The following FOXP2 variants were observed in gnomAD, a reference collection of about 807,000 sequenced individuals.
FOXP2 encodes the protein forkhead box P2.
In FOXP2, 12 loss-of-function variants were observed where a neutral mutation model predicts 115.8. The observed-to-expected ratio is 0.10, with a 90% CI of 0.07 to 0.17. The LOEUF is 0.17. FOXP2 is among the 10% of genes least tolerant of loss of function. The pLI, the probability that FOXP2 is intolerant of heterozygous loss-of-function variation, is 1.00. For synonymous variants in FOXP2, 328 were observed against 297.7 expected, an observed-to-expected ratio of 1.10 and a Z score of -1.05; for missense variants, 629 against 843.5, an observed-to-expected ratio of 0.75 and a Z score of 3.15.
At chr7:114,221,862 GT>G (rs1376271623) in intron 1 of FOXP2, among the ~76,000 whole-genome samples, 1 of 152,024 alleles carries the variant, frequency 6.6e-6, no homozygotes, top group African/African-American at 2.4e-5. Flanking sequence ...ATAAATAGCT[GT>G]TTTCAAGGCT....
At chr7:114,588,565 G>A (rs555657174) in intron 3 of FOXP2, among the ~76,000 whole-genome samples, 104 of 152,212 alleles carry the variant, frequency 6.8e-4, no homozygotes, top group Non-Finnish European at 1.3e-3. Flanking sequence ...TTTGTGGTCG[G>A]AAGGGAATTG....
At chr7:114,417,477 A>C (rs1287496781) in intron 1 of FOXP2, among the ~76,000 whole-genome samples, 1 of 151,980 alleles carries the variant, frequency 6.6e-6, no homozygotes, top group Non-Finnish European at 1.5e-5. Context: ...AATCACTTTG[A>C]AATGCTAATT....
intron 1 of FOXP2, among the ~76,000 whole-genome samples, chr7:114,245,268 A>G (rs1237753308): frequency 1.3e-5 from 2 of 152,224 alleles, no homozygotes; most frequent in African/African-American, 2.4e-5. Flanking sequence ...CTTGAACATA[A>G]TTGATGCTCA....
At chr7:114,383,213 A>G (rs1257246247) in intron 2 of FOXP2, among the ~76,000 whole-genome samples, 1 of 152,178 alleles carries the variant, frequency 6.6e-6, no homozygotes, top group Non-Finnish European at 1.5e-5. Context: ...AAACATCAAT[A>G]TAGCCATCAG....
At chr7:114,229,442 G>C (rs1350477617) in intron 1 of FOXP2, among the ~76,000 whole-genome samples, 2 of 151,608 alleles carry the variant, frequency 1.3e-5, no homozygotes, top group African/African-American at 4.8e-5. Context: ...GAGCAGAATA[G>C]TATACATTCT....
intron 4 of FOXP2, chr7:114,629,477 C>G: frequency 5.8e-6 from 5 of 864,704 alleles, no homozygotes; most frequent in Non-Finnish European, 7.1e-6. Flanking sequence ...ATTCTTACAA[C>G]TGGTAGAGTA....
chr7:114,296,693 G>T (rs1019909886), intron 2 of FOXP2, among the ~76,000 whole-genome samples: 4 of 152,148 alleles, frequency 2.6e-5, no homozygotes. Flanking sequence ...GAAATACAAA[G>T]ATCTGAGCCC....
At chr7:114,238,072 T>C (rs968992654) in intron 1 of FOXP2, among the ~76,000 whole-genome samples, 3 of 152,226 alleles carry the variant, frequency 2.0e-5, no homozygotes, top group Non-Finnish European at 4.4e-5. Context: ...ACTTTTGACA[T>C]ATGTATTTTT....
At chr7:114,150,561 A>G (rs1417376499) in intron 1 of FOXP2, among the ~76,000 whole-genome samples, 1 of 151,932 alleles carries the variant, frequency 6.6e-6, no homozygotes, top group Non-Finnish European at 1.5e-5. Context: ...CTACTTTATT[A>G]TTATTGTTTT....
At chr7:114,661,127 T>C (rs1806839229) in intron 13 of FOXP2, among the ~76,000 whole-genome samples, 1 of 150,912 alleles carries the variant, frequency 6.6e-6, no homozygotes, top group South Asian at 2.1e-4. Flanking sequence ...TAGAAAGAAA[T>C]CTTCATCAAA....
intron 2 of FOXP2, among the ~76,000 whole-genome samples, chr7:114,333,905 A>T (rs1256729408): frequency 6.6e-6 from 1 of 151,504 alleles, no homozygotes; most frequent in Non-Finnish European, 1.5e-5. Context: ...AAAAAAAAAA[A>T]GCTACATTTA....
intron 2 of FOXP2, among the ~76,000 whole-genome samples, chr7:114,510,640 C>G (rs1798023894): frequency 1.3e-5 from 2 of 151,978 alleles, no homozygotes; most frequent in Non-Finnish European, 2.9e-5. Flanking sequence ...AAAAGTATGT[C>G]TTTTACCACA....
rs538661913 is a variant in FOXP2 at position 114,445,671 on chromosome 7, C to G, written c.168+18992C>G. On this transcript the variant is annotated intron_variant, in intron 2 of 16. Transcript: ENST00000350908. The stretch of plus-strand genomic sequence containing the variant: ...CTGGGATTAAGTATCAAAATTAGCC[C>G]CATTTTAATAATGTGAAAACAATAT... Among the ~76,000 whole-genome samples the G allele has an allele frequency of 1.3e-4, 20 of 151,950 alleles. No individual in the cohort carries two copies. The South Asian group carries it at 4.2e-3, about 32-fold the overall frequency.
intron 1 of FOXP2, among the ~76,000 whole-genome samples, chr7:114,277,752 T>G (rs1042845326): frequency 6.6e-6 from 1 of 152,134 alleles, no homozygotes; most frequent in South Asian, 2.1e-4. Context: ...GAAGTAACTA[T>G]TATTTGATTA....
intron 1 of FOXP2, among the ~76,000 whole-genome samples, chr7:114,235,991 A>G (rs1794998863): frequency 6.6e-6 from 1 of 152,134 alleles, no homozygotes; most frequent in Non-Finnish European, 1.5e-5. Flanking sequence ...CTTATTTTTG[A>G]CAGTTACTTC....
intron 1 of FOXP2, among the ~76,000 whole-genome samples, chr7:114,193,591 T>G (rs1793822084): frequency 6.6e-6 from 1 of 152,036 alleles, no homozygotes; most frequent in African/African-American, 2.4e-5. Context: ...TAAAAGAATG[T>G]CCGGTGGGAA....
chr7:114,634,664 A>T (rs1329785945), intron 6 of FOXP2, among the ~76,000 whole-genome samples: 3 of 152,054 alleles, frequency 2.0e-5, no homozygotes, highest in Non-Finnish European at 4.4e-5. Context: ...TATGTCAAAT[A>T]GAAAGGATGG....
chr7:114,393,049 A>G, intron 2 of FOXP2, among the ~76,000 whole-genome samples: 1 of 152,192 alleles, frequency 6.6e-6, no homozygotes, highest in East Asian at 1.9e-4. Flanking sequence ...GTATGTGTTC[A>G]GTATATAATG....
At chr7:114,439,735 A>ATGTGTGTG (rs3997244) in intron 2 of FOXP2, among the ~76,000 whole-genome samples, 2 of 149,702 alleles carry the variant, frequency 1.3e-5, no homozygotes, top group African/African-American at 4.9e-5. Flanking sequence ...GTGTATATAG[A>ATGTGTGTG]TGTGTGTGTG....
Sources: gnomAD v4.1 joint callset for allele counts (sites outside exome capture counted in the v4.1 genomes callset) on GRCh38, gnomAD v4.1.1 for gene constraint, MANE v1.5 for transcripts, NCBI Gene and HGNC (gene_info 2026-07-23, HGNC 2026-07-21) for gene names.